Variants in ZNF407 observed in about 807,000 individuals in gnomAD.
The protein encoded by ZNF407 is zinc finger protein 407.
Under a neutral mutation model 131.2 loss-of-function variants are expected in ZNF407, and 17 were observed. The ratio of observed to expected loss-of-function variants is 0.13; its 90% CI spans 0.09 to 0.19. The LOEUF is 0.19. Among genes scored for constraint, ZNF407 ranks in the 10% least tolerant of loss-of-function variants. The pLI is 1.00. For missense variants in ZNF407, 2,681 were observed against 2,830.6 expected (o/e 0.95, Z 1.20); for synonymous variants, 1,156 against 1,062.0 (o/e 1.09, Z -1.72).
chr18:74,945,863 G>C (rs1161269551), intron 8 of ZNF407, among the ~76,000 whole-genome samples: 1 of 152,028 alleles, frequency 6.6e-6, no homozygotes, highest in Admixed American at 6.5e-5. Context: ...TTTCATTTCA[G>C]TACAACCTGG....
At chr18:74,607,409 C>G (rs1263851704) in intron 1 of ZNF407, among the ~76,000 whole-genome samples, 1 of 152,040 alleles carries the variant, frequency 6.6e-6, no homozygotes, top group Non-Finnish European at 1.5e-5. Context: ...AACCTTTTCC[C>G]TAGTACTCGG....
At chr18:74,925,318 T>A (rs1971899287) in intron 8 of ZNF407, among the ~76,000 whole-genome samples, 1 of 152,174 alleles carries the variant, frequency 6.6e-6, no homozygotes. Flanking sequence ...AGTTTGGTGT[T>A]CTCTATAACG....
rs1244791327 is a variant in ZNF407, at chr18:75,063,436, C to G, written c.5715C>G (p.Ile1905Met). Residue 1905 changes from isoleucine (I) to methionine (M), a missense_variant, in exon 9 of 9, where the codon ATC becomes ATG. Coordinates refer to ENST00000299687, the MANE Select transcript of ZNF407 (RefSeq NM_017757.3). This position sits in a 1 kb window ranked among gnomAD's most constrained non-coding sequence, Gnocchi z 6.6. ...GCCAGGTGGCCCGGGTGGTGCATATCACGGAGGATGGCCAGGTCATCGCCA... is the reference window on the plus strand; with the variant it reads ...GCCAGGTGGCCCGGGTGGTGCATATGACGGAGGATGGCCAGGTCATCGCCA... Reference protein sequence around the residue: ...MAGQVARVVHITEDGQVIATS... With the variant: ...MAGQVARVVHMTEDGQVIATS... 1 of 1,609,304 alleles carries G rather than the reference C, an allele frequency of 6.2e-7. No individual in the cohort carries two copies. Among genetic ancestry groups the G allele is most frequent in the Non-Finnish European group, 8.5e-7 (1 of 1,178,546 alleles).
In ZNF407 at chr18:75,063,137, C is replaced by G. The variant is rs1207664357; in HGVS notation, c.5429-13C>G. ...ACTTTTTCCAGGCTCTAACTGGTCCCTGTCTCCCTTAGGCATTGTTTCCAA... is the reference window on the plus strand; with the variant it reads ...ACTTTTTCCAGGCTCTAACTGGTCCGTGTCTCCCTTAGGCATTGTTTCCAA... On this transcript the variant is annotated splice_polypyrimidine_tract_variant and intron_variant, in intron 8 of 8. Coordinates refer to ENST00000299687, the MANE Select transcript of ZNF407 (RefSeq NM_017757.3). This position sits in a 1 kb window ranked among gnomAD's most constrained non-coding sequence, Gnocchi z 6.6. The G allele has an allele frequency of 6.5e-7, 1 of 1,548,070 alleles. No homozygotes were observed. The highest frequency in any genetic ancestry group is 2.0e-5 in the Admixed American group (1 of 49,604).
intron 4 of ZNF407, among the ~76,000 whole-genome samples, chr18:74,800,988 CAA>C (rs1357854938): frequency 9.2e-5 from 14 of 151,950 alleles, no homozygotes; most frequent in Non-Finnish European, 1.9e-4. Context: ...TAAAATGTTT[CAA>C]AGAGTCTCTT....
chr18:75,005,023 A>G (rs1972891895), intron 8 of ZNF407, among the ~76,000 whole-genome samples: 1 of 152,188 alleles, frequency 6.6e-6, no homozygotes, highest in African/African-American at 2.4e-5. Context: ...GTTTGATATG[A>G]CATATTGTGT....
chr18:74,807,044 G>C (rs577398622), intron 4 of ZNF407, among the ~76,000 whole-genome samples: 1 of 152,310 alleles, frequency 6.6e-6, no homozygotes, highest in South Asian at 2.1e-4. Flanking sequence ...TCAGAAAGCA[G>C]TAGATGCCAT....
rs1392419526 is a variant in ZNF407 at position 74,606,686 on chromosome 18, T to C, written c.-54+8749T>C. On this transcript the variant is annotated intron_variant, in intron 1 of 8. Coordinates refer to ENST00000299687, the MANE Select transcript of ZNF407 (RefSeq NM_017757.3). ...TTATGTCGGCACACCTGAGGAGACA[T>C]TTGAGTGTCAGTTTTCTTGGAATTT... Among the ~76,000 whole-genome samples, 7 of 152,182 alleles carry C rather than the reference T, an allele frequency of 4.6e-5. No homozygotes were observed. In the East Asian group the frequency reaches 1.3e-3, roughly 29 times the overall value.
chr18:74,750,043 C>T (rs1357647259), intron 3 of ZNF407, among the ~76,000 whole-genome samples: 1 of 152,178 alleles, frequency 6.6e-6, no homozygotes, highest in Non-Finnish European at 1.5e-5. Context: ...GCCTCATTTT[C>T]ACCCAAATCC....
rs1393378430 is a variant in ZNF407 at position 74,656,673 on chromosome 18, A to T, written c.4802+15551A>T. On this transcript the variant is annotated intron_variant, in intron 3 of 8. Coordinates refer to ENST00000299687, the MANE Select transcript of ZNF407 (RefSeq NM_017757.3). ...CTAGAGGGCAATTAAGGGACAGGGCAGGAGATCTACAGTAATGAGTCCCTG... is the reference window on the plus strand; with the variant it reads ...CTAGAGGGCAATTAAGGGACAGGGCTGGAGATCTACAGTAATGAGTCCCTG... Among the ~76,000 whole-genome samples, 3 of 152,068 alleles carry T rather than the reference A, an allele frequency of 2.0e-5. No homozygotes were observed. In the East Asian group the frequency reaches 5.8e-4, roughly 29 times the overall value.
chr18:74,651,148 C>T lies in ZNF407; in HGVS notation c.4802+10026C>T, dbSNP rs548454304. Among the ~76,000 whole-genome samples the T allele has an allele frequency of 4.5e-4, 69 of 152,070 alleles. 1 individual carries two copies. Among genetic ancestry groups the T allele is most frequent in the Non-Finnish European group, 4.9e-4 (33 of 67,978 alleles). On this transcript the variant is annotated intron_variant, in intron 3 of 8. Coordinates refer to ENST00000299687, the MANE Select transcript of ZNF407 (RefSeq NM_017757.3). Reference sequence around the variant, plus strand: ...TGATTAAAACCCTGTTACTGTCATCCTTAAAGAGCACATTAAAAATACCCT... The same window carrying T: ...TGATTAAAACCCTGTTACTGTCATCTTTAAAGAGCACATTAAAAATACCCT...
intron 7 of ZNF407, among the ~76,000 whole-genome samples, chr18:74,917,718 G>C (rs1490347213): frequency 2.0e-5 from 3 of 152,066 alleles, no homozygotes; most frequent in Non-Finnish European, 2.9e-5. Context: ...AGGATTCATT[G>C]CTTATATTAT....
intron 6 of ZNF407, among the ~76,000 whole-genome samples, chr18:74,889,152 G>A (rs1255559597): frequency 1.3e-5 from 2 of 152,202 alleles, no homozygotes; most frequent in Non-Finnish European, 2.9e-5. Context: ...CATCTAGGTA[G>A]GTGTGTAGTA....
chr18:74,631,889 T>TA lies in ZNF407; in HGVS notation c.876dup (p.Ser293IlefsTer17). ...AGATCTTAACAAAACAACCTTTTCC[T>TA]AAAAAATCACGTACAATGGCAACAA... On this transcript the variant is annotated frameshift_variant, in exon 2 of 9. Transcript: ENST00000299687. LOFTEE classifies it high-confidence loss of function. 1 of 1,613,690 alleles carries TA rather than the reference T, an allele frequency of 6.2e-7. No homozygotes were observed.
At chr18:74,749,109 G>A (rs939485547) in intron 3 of ZNF407, among the ~76,000 whole-genome samples, 5 of 152,120 alleles carry the variant, frequency 3.3e-5, no homozygotes, top group African/African-American at 9.7e-5. Context: ...GATGAGGCAG[G>A]GGACTAACAT....
chr18:74,786,874 C>G lies in ZNF407; in HGVS notation c.4877+5372C>G, dbSNP rs537509238. Among the ~76,000 whole-genome samples, 29 of 119,640 alleles carry G rather than the reference C, an allele frequency of 2.4e-4. No individual in the cohort carries two copies. In the East Asian group the frequency reaches 6.9e-3, roughly 29 times the overall value. 78.5% of individuals were successfully genotyped at this position (119,640 alleles called of 152,430 possible). On this transcript the variant is annotated intron_variant, in intron 4 of 8. Coordinates refer to ENST00000299687, the MANE Select transcript of ZNF407 (RefSeq NM_017757.3). ...AGGCTGGAGTGCAGTGGTGTGATCT[C>G]GGCTCACTGTGACCTCCGCCTCCCG...
intron 8 of ZNF407, among the ~76,000 whole-genome samples, chr18:75,055,639 C>T (rs1973553337): frequency 6.6e-6 from 1 of 152,112 alleles, no homozygotes; most frequent in Admixed American, 6.5e-5. Context: ...TATCTAGGCC[C>T]ATGGAGACTA....
intron 8 of ZNF407, among the ~76,000 whole-genome samples, chr18:75,001,835 A>T (rs1481824093): frequency 6.6e-6 from 1 of 152,208 alleles, no homozygotes; most frequent in Non-Finnish European, 1.5e-5. Flanking sequence ...CCTGGAGGAG[A>T]TTCTGTCCCC....
intron 4 of ZNF407, among the ~76,000 whole-genome samples, chr18:74,830,784 C>T (rs1021049995): frequency 6.6e-6 from 1 of 152,088 alleles, no homozygotes; most frequent in Non-Finnish European, 1.5e-5. Context: ...CAGTGTCTTC[C>T]TTGTAGCTAT....
Sources: gnomAD v4.1 joint callset for allele counts (sites outside exome capture counted in the v4.1 genomes callset) on GRCh38, gnomAD v4.1.1 for gene constraint, Gnocchi (gnomAD v3.1) non-coding constraint, MANE v1.5 for transcripts, NCBI Gene and HGNC (gene_info 2026-07-23, HGNC 2026-07-21) for gene names.